The following RAB7B variants were observed in gnomAD, a reference collection of about 807,000 sequenced individuals.
RAB7B encodes RAB7B, member RAS oncogene family.
chr1:205,982,140 T>C (rs941119811), intron 5 of RAB7B, among the ~76,000 whole-genome samples: 84 of 152,352 alleles, frequency 5.5e-4, no homozygotes, highest in African/African-American at 2.0e-3. Context: ...GTCTCGAGGA[T>C]CCTTGAATGC....
intron 5 of RAB7B, among the ~76,000 whole-genome samples, chr1:205,983,551 T>A (rs2102632212): frequency 1.3e-5 from 2 of 152,270 alleles, no homozygotes; most frequent in African/African-American, 4.8e-5. Flanking sequence ...CAATGGATAT[T>A]TATGGACTCA....
At chr1:205,993,759 T>C (rs1329610780) in intron 2 of RAB7B, among the ~76,000 whole-genome samples, 1 of 151,862 alleles carries the variant, frequency 6.6e-6, no homozygotes, top group Non-Finnish European at 1.5e-5. Flanking sequence ...GTGAGCAGAG[T>C]AGTCTGGAGA....
chr1:205,986,294 C>G (rs1036206159), intron 4 of RAB7B, among the ~76,000 whole-genome samples: 1 of 152,204 alleles, frequency 6.6e-6, no homozygotes, highest in Non-Finnish European at 1.5e-5. Context: ...GTGTTAGTCA[C>G]TTTATCATAT....
At chr1:205,980,617 G>A (rs1660472675) in intron 5 of RAB7B, among the ~76,000 whole-genome samples, 1 of 152,212 alleles carries the variant, frequency 6.6e-6, no homozygotes, top group African/African-American at 2.4e-5. Context: ...CTTAAGTCCT[G>A]CATCCTGAGG....
chr1:205,985,785 C>CACCAGGCCCACCATCCCCACCAGGCCT (rs1660590351), intron 4 of RAB7B, 120 bp from the exon 5 acceptor site: 10 of 356,076 alleles, frequency 2.8e-5, no homozygotes, highest in Admixed American at 5.0e-5. Flanking sequence ...CCATCATCCC[C>CACCAGGCCCACCATCCCCACCAGGCCT]ACCAGGCCCA....
intron 1 of RAB7B, among the ~76,000 whole-genome samples, chr1:205,998,506 G>C (rs1236970214): frequency 6.6e-6 from 1 of 152,236 alleles, no homozygotes; most frequent in African/African-American, 2.4e-5. Context: ...CCCTAGGAGA[G>C]TTGGAGGAGG....
chr1:205,997,727 G>A (rs1660827254), intron 1 of RAB7B, among the ~76,000 whole-genome samples: 1 of 152,192 alleles, frequency 6.6e-6, no homozygotes, highest in Non-Finnish European at 1.5e-5. Context: ...GAAAAAGCAT[G>A]GCTCTCGAAG....
chr1:205,979,254 C>T (rs1237219131), intron 5 of RAB7B, among the ~76,000 whole-genome samples: 10 of 152,114 alleles, frequency 6.6e-5, no homozygotes, highest in South Asian at 2.1e-4. Context: ...AGAGAGGTGA[C>T]GGCCACTCCT....
At chr1:205,999,117 T>C (rs1660852493) in intron 1 of RAB7B, among the ~76,000 whole-genome samples, 2 of 152,130 alleles carry the variant, frequency 1.3e-5, no homozygotes, top group Non-Finnish European at 2.9e-5. Flanking sequence ...CCTTGCTCCA[T>C]AGTGCCCCTG....
chr1:205,995,221 A>G (rs1660790311), intron 1 of RAB7B, among the ~76,000 whole-genome samples: 1 of 152,122 alleles, frequency 6.6e-6, no homozygotes. Context: ...ATAAACCTGC[A>G]TGTTGTGCAC....
In RAB7B at chr1:205,985,642, G is replaced by C. The variant is rs1660578972; in HGVS notation, c.420C>G (p.Gly140=). 1 of 399,900 alleles carries C rather than the reference G, an allele frequency of 2.5e-6. No homozygotes were observed. Among genetic ancestry groups the C allele is most frequent in the African/African-American group, 2.1e-5 (1 of 48,606 alleles). The allele number at this position is 399,900 out of a possible 1,614,324, so 24.8% of individuals were successfully genotyped here. A position where few individuals can be genotyped will look rare whatever the true frequency, so the allele number is the denominator to read the frequency against. Residue 140 remains glycine, a synonymous_variant, in exon 5 of 6, where the codon GGC becomes GGG. Coordinates refer to ENST00000617070, the MANE Select transcript of RAB7B (RefSeq NM_001164522.3). ...DRKVPQEVAQ[G]WCREKDIPYF... ...AAGGAATATCTTTCTCTCTACACCA[G>C]CCTTGAGCTACTTCCTGGGGTACCT...
intron 5 of RAB7B, chr1:205,983,717 T>C (rs1354937352): frequency 1.3e-5 from 2 of 152,082 alleles, no homozygotes; most frequent in African/African-American, 2.4e-5. Context: ...TCAGTGCACA[T>C]GCCCCATAAA....
intron 4 of RAB7B, among the ~76,000 whole-genome samples, chr1:205,991,070 C>T (rs1660714948): frequency 6.6e-6 from 1 of 152,122 alleles, no homozygotes; most frequent in African/African-American, 2.4e-5. Context: ...TGTGCCCGGC[C>T]AAGACTGTCT....
rs940001953 is a variant in RAB7B, at chr1:205,989,763, T to C, written c.396+2717A>G. Among the ~76,000 whole-genome samples the C allele has an allele frequency of 4.7e-3, 715 of 152,266 alleles. 9 individuals are homozygous for C. Among genetic ancestry groups the C allele is most frequent in the African/African-American group, 0.016 (660 of 41,538 alleles). On this transcript the variant is annotated intron_variant, in intron 4 of 5. Transcript: ENST00000617070. The stretch of plus-strand genomic sequence containing the variant: ...GCTCTGTCCTTCATCTTCTCTTGGT[T>C]GGAAAAGCCCTAGTCCAAGTTCCTT...
chr1:205,989,227 G>A (rs1034391723), intron 4 of RAB7B, among the ~76,000 whole-genome samples: 5 of 151,910 alleles, frequency 3.3e-5, no homozygotes, highest in African/African-American at 1.2e-4. Flanking sequence ...CTTCCCCAGC[G>A]CCCCCTCTTG....
intron 4 of RAB7B, among the ~76,000 whole-genome samples, chr1:205,986,946 A>C (rs1006622123): frequency 3.9e-5 from 6 of 152,128 alleles, no homozygotes; most frequent in Non-Finnish European, 8.8e-5. Flanking sequence ...TGGGATAAAA[A>C]GTCCCAGCTG....
intron 5 of RAB7B, among the ~76,000 whole-genome samples, chr1:205,982,148 T>G (rs1476486871): frequency 1.3e-5 from 2 of 152,250 alleles, no homozygotes; most frequent in African/African-American, 4.8e-5. Context: ...GATCCTTGAA[T>G]GCAATGTGCT....
At chr1:205,979,757 G>A (rs1232263924) in intron 5 of RAB7B, among the ~76,000 whole-genome samples, 1 of 152,164 alleles carries the variant, frequency 6.6e-6, no homozygotes, top group East Asian at 1.9e-4. Flanking sequence ...TTCACTCTAC[G>A]TGGAAGGGGT....
chr1:205,996,087 C>CTT (rs36183142), intron 1 of RAB7B, among the ~76,000 whole-genome samples: 10,892 of 138,170 alleles, frequency 0.079, 1,416 homozygotes, highest in African/African-American at 0.26. Flanking sequence ...TTAATACATT[C>CTT]TTTTTTTTTT....
Sources: allele counts gnomAD v4.1 joint callset (sites outside exome capture counted in the v4.1 genomes callset), GRCh38; gene constraint gnomAD v4.1.1; transcripts MANE v1.5; gene names NCBI Gene and HGNC (gene_info 2026-07-23, HGNC 2026-07-21).